The following MEOX1 variants were observed in gnomAD, a reference collection of about 807,000 sequenced individuals.
MEOX1 encodes mesenchyme homeobox 1.
Under a neutral mutation model 23.2 loss-of-function variants are expected in MEOX1, and 17 were observed. The observed-to-expected ratio is 0.73, with a 90% CI of 0.50 to 1.10. The LOEUF is 1.10. Among genes scored for constraint, MEOX1 ranks in the 50% least tolerant of loss-of-function variants. The pLI, the probability that MEOX1 is intolerant of heterozygous loss-of-function variation, is 0.00. For missense variants in MEOX1, 333 were observed against 332.2 expected, an observed-to-expected ratio of 1.00 and a Z score of -0.02; for synonymous variants, 134 against 135.1, an observed-to-expected ratio of 0.99 and a Z score of 0.06.
intron 1 of MEOX1, among the ~76,000 whole-genome samples, chr17:43,660,808 T>A (rs1158569970): frequency 6.6e-6 from 1 of 152,144 alleles, no homozygotes; most frequent in Non-Finnish European, 1.5e-5. Context: ...GTCCTCCAAA[T>A]CCTGGCTGAT....
At chr17:43,647,633 G>A (rs1278836566) in intron 1 of MEOX1, among the ~76,000 whole-genome samples, 1 of 152,080 alleles carries the variant, frequency 6.6e-6, no homozygotes, top group Admixed American at 6.5e-5. Flanking sequence ...ACCTGCTTAG[G>A]TGTGCACAGG....
intron 1 of MEOX1, among the ~76,000 whole-genome samples, chr17:43,655,402 C>A (rs1379314049): frequency 1.3e-5 from 2 of 150,218 alleles, no homozygotes; most frequent in Non-Finnish European, 3.0e-5. Flanking sequence ...ATACGGGAGG[C>A]GGAGGTTGCA....
At position 43,657,281 on chromosome 17, in the gene MEOX1, T is replaced by C. The variant is rs948737669; in HGVS notation, c.469+3785A>G. ...TCCACCTCCCAAGTTCAAGCTATTC[T>C]CCTGCCTCAGCTTCCCAAGTAGCTG... On this transcript the variant is annotated intron_variant, in intron 1 of 2. Coordinates refer to ENST00000318579, the MANE Select transcript of MEOX1 (RefSeq NM_004527.4). 1.1e-4 allele frequency among the ~76,000 whole-genome samples: 16 copies of C among 149,124 alleles called. No individual in the cohort carries two copies. The Admixed American group carries it at 1.1e-3, about 10-fold the overall frequency.
chr17:43,661,397 G>C lies in MEOX1; in HGVS notation c.138C>G (p.His46Gln). The C allele has an allele frequency of 1.2e-6, 2 of 1,612,846 alleles. No homozygotes were observed. The highest frequency in any genetic ancestry group is 2.2e-5 in the South Asian group (2 of 91,046). Reference sequence around the variant, plus strand: ...CTGTCGCCAGGAAGTCTGGTTTCTGGTGGAAGGAGAACGGGGTGGGCGGGT... The same window carrying C: ...CTGTCGCCAGGAAGTCTGGTTTCTGCTGGAAGGAGAACGGGGTGGGCGGGT... ...PHYPPTPFSF[H>Q]QKPDFLATAT... Residue 46 changes from histidine to glutamine, a missense_variant, in exon 1 of 3, where the codon CAC (histidine) becomes CAG (glutamine). Coordinates refer to ENST00000318579, the MANE Select transcript of MEOX1 (RefSeq NM_004527.4).
chr17:43,652,634 T>A (rs1972937718), intron 1 of MEOX1, among the ~76,000 whole-genome samples: 1 of 152,104 alleles, frequency 6.6e-6, no homozygotes, highest in African/African-American at 2.4e-5. Flanking sequence ...ATCAGGGACC[T>A]GAACCAGGGC....
chr17:43,660,849 C>T (rs1973124086), intron 1 of MEOX1, among the ~76,000 whole-genome samples: 1 of 152,152 alleles, frequency 6.6e-6, no homozygotes. Flanking sequence ...GACACCCTTT[C>T]TGGGGCCCAG....
At chr17:43,654,916 G>A (rs1310919797) in intron 1 of MEOX1, among the ~76,000 whole-genome samples, 2 of 151,918 alleles carry the variant, frequency 1.3e-5, no homozygotes. Context: ...GCCAGACGTG[G>A]TGGTGGGCGC....
Position 43,657,055 on chromosome 17 carries a change from T to TTTCTTTCC in MEOX1, c.469+4010_469+4011insGGAAAGAA, listed in dbSNP as rs777740594. On this transcript the variant is annotated intron_variant, in intron 1 of 2. Transcript: ENST00000318579. ...CTTTCTTTCTTTCTTTCTTTCTTTC[T>TTTCTTTCC]TTCCTTCCTTCCTTCTTTCTTTCTT... Among the ~76,000 whole-genome samples, 202 of 136,424 alleles carry TTTCTTTCC rather than the reference T, an allele frequency of 1.5e-3. 1 individual carries two copies. The highest frequency in any genetic ancestry group is 4.1e-3 in the African/African-American group (146 of 35,372). 89.5% of individuals were successfully genotyped at this position (136,424 alleles called of 152,430 possible). A position where few individuals can be genotyped will look rare whatever the true frequency, so the allele number is the denominator to read the frequency against.
chr17:43,650,372 A>G (rs544938899), intron 1 of MEOX1, among the ~76,000 whole-genome samples: 1 of 152,140 alleles, frequency 6.6e-6, no homozygotes, highest in African/African-American at 2.4e-5. Flanking sequence ...TTTCCACCCT[A>G]TTGGGCTGTC....
chr17:43,645,088 T>A (rs961508564), intron 1 of MEOX1, among the ~76,000 whole-genome samples: 1 of 151,118 alleles, frequency 6.6e-6, no homozygotes, highest in Non-Finnish European at 1.5e-5. Flanking sequence ...CACAATTAAC[T>A]CGCAATGCAT....
intron 1 of MEOX1, among the ~76,000 whole-genome samples, chr17:43,657,119 C>CTCCTTCCT (rs200875288): frequency 1.5e-5 from 2 of 136,508 alleles, no homozygotes; most frequent in Non-Finnish European, 3.1e-5. Context: ...TTCTCTCTGT[C>CTCCTTCCT]TCCTTCCTTC....
At chr17:43,656,387 C>G (rs1410793115) in intron 1 of MEOX1, among the ~76,000 whole-genome samples, 1 of 151,384 alleles carries the variant, frequency 6.6e-6, no homozygotes, top group Non-Finnish European at 1.5e-5. Context: ...GGCTTCGTGG[C>G]AGGGGTAGTG....
At chr17:43,646,417 G>A (rs1015936218) in intron 1 of MEOX1, among the ~76,000 whole-genome samples, 2 of 152,196 alleles carry the variant, frequency 1.3e-5, no homozygotes, top group Admixed American at 6.5e-5. Flanking sequence ...CTTAGACGAC[G>A]GGCGCGGTCG....
rs1397409033 is a variant in MEOX1, at chr17:43,661,424, G to A, written c.111C>T (p.His37=). ...GGAAGGAGAACGGGGTGGGCGGGTA[G>A]TGGGGTAGCCCTGAGGCCCCATTGC... is the stretch of plus-strand genomic sequence containing the variant. ...SEGNGASGLP[H]YPPTPFSFHQ... Residue 37 remains histidine, a synonymous_variant, in exon 1 of 3, where the codon CAC becomes CAT. Transcript: ENST00000318579. The A allele has an allele frequency of 1.2e-6, 2 of 1,608,312 alleles. No individual in the cohort carries two copies. The highest frequency in any genetic ancestry group is 2.2e-5 in the South Asian group (2 of 90,922).
rs1315748097 is a variant in MEOX1, at chr17:43,642,012, G to A, written c.663C>T (p.Asn221=). ...TCACACGCTTCCACTTCATCCTTCG[G>A]TTCTGGAACCACACTTTGACCTGGG... ...SERQVKVWFQ[N]RRMKWKRVKG... is the part of the protein sequence containing the mutation. The change falls in exon 3 of 3, where the codon AAC becomes AAT. Residue 221 remains asparagine, a synonymous_variant. Transcript: ENST00000318579. The A allele has an allele frequency of 5.0e-6, 8 of 1,613,756 alleles. No homozygotes were observed. The highest frequency in any genetic ancestry group is 6.8e-6 in the Non-Finnish European group (8 of 1,179,880).
chr17:43,649,872 A>G (rs1214409242), intron 1 of MEOX1, among the ~76,000 whole-genome samples: 1 of 152,204 alleles, frequency 6.6e-6, no homozygotes, highest in Non-Finnish European at 1.5e-5. Context: ...GAGAAATGCA[A>G]ACGGTGTGCA....
chr17:43,657,012 C>CTTTT (rs1555567818), intron 1 of MEOX1, among the ~76,000 whole-genome samples: 30 of 105,146 alleles, frequency 2.9e-4, no homozygotes, highest in African/African-American at 1.0e-3. Context: ...TTCTTTCTTT[C>CTTTT]TCTTTCTTTC....
chr17:43,643,725 C>T (rs1206623546), intron 1 of MEOX1, 65 bp from the exon 2 acceptor site: 1 of 1,392,580 alleles, frequency 7.2e-7, no homozygotes, highest in Non-Finnish European at 9.8e-7. Context: ...CTTTCTTTTG[C>T]CCTTGAGCAA....
At chr17:43,655,810 G>A (rs1973007729) in intron 1 of MEOX1, among the ~76,000 whole-genome samples, 1 of 151,954 alleles carries the variant, frequency 6.6e-6, no homozygotes, top group Non-Finnish European at 1.5e-5. Context: ...ATCTAAAATA[G>A]TCAAATGTTT....
Sources: allele counts gnomAD v4.1 joint callset (sites outside exome capture counted in the v4.1 genomes callset), GRCh38; gene constraint gnomAD v4.1.1; transcripts MANE v1.5; gene names NCBI Gene and HGNC (gene_info 2026-07-23, HGNC 2026-07-21).